Variants in MFSD2B observed in about 807,000 individuals in gnomAD.
MFSD2B encodes the protein sphingosine-1-phosphate transporter MFSD2B.
A neutral mutation model predicts 58.4 loss-of-function variants in MFSD2B; 56 were observed. That is an observed-to-expected ratio of 0.96 (90% CI 0.77 to 1.20). The LOEUF (loss-of-function observed/expected upper bound fraction) is 1.20, where lower values mean the gene tolerates loss of function less well. Among genes scored for constraint, MFSD2B ranks in the 50% most tolerant of loss-of-function variants. MFSD2B has a pLI of 0.00. For missense variants in MFSD2B, 645 were observed against 667.6 expected (o/e 0.97, Z 0.37); for synonymous variants, 287 against 294.4 (o/e 0.97, Z 0.26).
At position 24,021,889 on chromosome 2, in the gene MFSD2B, G is replaced by C. The variant is rs1484624801; in HGVS notation, c.813G>C (p.Leu271=). The C allele has an allele frequency of 6.2e-7, 1 of 1,614,004 alleles. No individual in the cohort carries two copies. The highest frequency in any genetic ancestry group is 1.1e-5 in the South Asian group (1 of 91,084). The change falls in exon 8 of 14, where the codon CTG becomes CTC. Residue 271 remains leucine (L), a synonymous_variant. Transcript: ENST00000338315. The surrounding 1 kb of genome is among the most constrained non-coding windows in gnomAD (Gnocchi z 5.7). ...CCTCAGGCCCAGGCTTGAGTTTCCT[G>C]GCTGGGCTGAGCCTCACTACCCGGC... is the stretch of plus-strand genomic sequence containing the variant. ...APASGPGLSF[L]AGLSLTTRHP...
chr2:24,011,545 G>A (rs892607589), intron 1 of MFSD2B, among the ~76,000 whole-genome samples: 1 of 152,192 alleles, frequency 6.6e-6, no homozygotes, highest in African/African-American at 2.4e-5. Context: ...GGGGTGTCCT[G>A]CAAGATGTGG....
Position 24,017,354 on chromosome 2 carries a change from C to T in MFSD2B, c.540C>T (p.Ala180=), listed in dbSNP as rs1319765205. Residue 180 remains alanine (A), a synonymous_variant, in exon 5 of 14, where the codon GCC becomes GCT. Coordinates refer to ENST00000338315, the MANE Select transcript of MFSD2B (RefSeq NM_001346880.2). This position sits in a 1 kb window ranked among gnomAD's most constrained non-coding sequence, Gnocchi z 4.8. ...LTPCPRERDS[A]TAYRMTVEMA... is the part of the protein sequence containing the mutation. ...CCTGCCCAAGGGAGCGGGACTCGGC[C>T]ACCGCCTACCGTGAGTGCAGCCGTG... is the stretch of plus-strand genomic sequence containing the variant. 6.2e-7 allele frequency: 1 copy of T among 1,604,646 alleles called. No individual in the cohort carries two copies. Among genetic ancestry groups the T allele is most frequent in the Admixed American group, 1.7e-5 (1 of 58,912 alleles).
Position 24,022,249 on chromosome 2 carries a change from G to A in MFSD2B, c.895-184G>A, listed in dbSNP as rs1163211082. 6.6e-6 allele frequency among the ~76,000 whole-genome samples: 1 copy of A among 152,158 alleles called. No individual in the cohort carries two copies. Among genetic ancestry groups the A allele is most frequent in the African/African-American group, 2.4e-5 (1 of 41,432 alleles). ...TCACAGCTGAGCAGGTGATGAGGGT[G>A]GCCTAGGAGTGGTGTTTGTATCTGT... is the stretch of plus-strand genomic sequence containing the variant. On this transcript the variant is annotated intron_variant, in intron 8 of 13. Transcript: ENST00000338315. The surrounding 1 kb of genome is among the most constrained non-coding windows in gnomAD (Gnocchi z 4.5).
chr2:24,015,891 C>T (rs1709125260), intron 2 of MFSD2B, among the ~76,000 whole-genome samples: 1 of 152,268 alleles, frequency 6.6e-6, no homozygotes, highest in Non-Finnish European at 1.5e-5. Flanking sequence ...TTGCTCTGAG[C>T]CAGCCCCAGA....
In MFSD2B at chr2:24,010,151, G is replaced by A. The variant is rs912472979; in HGVS notation, c.55G>A (p.Ala19Thr). The A allele has an allele frequency of 6.9e-7, 1 of 1,452,398 alleles. No homozygotes were observed. 90.0% of individuals were successfully genotyped at this position (1,452,398 alleles called of 1,614,324 possible). A position where few individuals can be genotyped will look rare whatever the true frequency, so the allele number is the denominator to read the frequency against. Residue 19 changes from alanine to threonine, a missense_variant, in exon 1 of 14, where the codon GCC becomes ACC. Ala to Thr is a moderately conservative substitution (Grantham distance 58). Coordinates refer to ENST00000338315, the MANE Select transcript of MFSD2B (RefSeq NM_001346880.2). ...AKGSPQPEPH[A>T]PEPGPGSAKR... ...GGGGTCCCCGCAGCCGGAGCCGCAC[G>A]CCCCAGAGCCCGGCCCGGGGAGCGC...
Position 24,023,181 on chromosome 2 carries a change from G to A in MFSD2B, c.1111G>A (p.Ala371Thr), listed in dbSNP as rs1480092188. ...LLAAVPTAPV[A>T]YVVAFVSGVS... The stretch of plus-strand genomic sequence containing the variant: ...GGCTGCTGTGCCCACAGCACCTGTG[G>A]CATATGTCGTGGCCTTTGTATCTGG... The change falls in exon 11 of 14, where the codon GCA (alanine) becomes ACA (threonine). Residue 371 changes from alanine (A) to threonine (T), a missense_variant. Transcript: ENST00000338315. This position sits in a 1 kb window ranked among gnomAD's most constrained non-coding sequence, Gnocchi z 5.0. 2 of 1,613,618 alleles carry A rather than the reference G, an allele frequency of 1.2e-6. No individual in the cohort carries two copies. The highest frequency in any genetic ancestry group is 1.7e-6 in the Non-Finnish European group (2 of 1,179,840).
At position 24,023,146 on chromosome 2, in the gene MFSD2B, C is replaced by T. The variant is rs200672434; in HGVS notation, c.1076C>T (p.Ala359Val). The change falls in exon 11 of 14, where the codon GCG becomes GTG. Residue 359 changes from alanine (A) to valine (V), a missense_variant. Physicochemically the swap from Ala to Val is moderately conservative, Grantham distance 64. Coordinates refer to ENST00000338315, the MANE Select transcript of MFSD2B (RefSeq NM_001346880.2). The surrounding 1 kb of genome is among the most constrained non-coding windows in gnomAD (Gnocchi z 5.0). ...AFGIFAMVPF[A>V]ILLAAVPTAP... ...TCTCCCCAGGCGATGGTGCCCTTTG[C>T]GATCTTGCTGGCTGCTGTGCCCACA... The T allele has an allele frequency of 5.9e-4, 946 of 1,612,612 alleles. 8 individuals carry two copies. In the Admixed American group the frequency reaches 0.015, roughly 25 times the overall value.
Position 24,022,062 on chromosome 2 carries a change from G to C in MFSD2B, c.894+92G>C, listed in dbSNP as rs1662811674. The C allele has an allele frequency of 6.8e-7, 1 of 1,462,264 alleles. No individual in the cohort carries two copies. Among genetic ancestry groups the C allele is most frequent in the Non-Finnish European group, 9.5e-7 (1 of 1,057,748 alleles). 90.6% of individuals were successfully genotyped at this position (1,462,264 alleles called of 1,614,324 possible). Reference sequence around the variant, plus strand: ...TGCAGTCTTGGCTTGAGTTTTATAGGGAGAAACCTGCGGCTGGCACATGGC... The same window carrying C: ...TGCAGTCTTGGCTTGAGTTTTATAGCGAGAAACCTGCGGCTGGCACATGGC... On this transcript the variant is annotated intron_variant, in intron 8 of 13. Transcript: ENST00000338315. This position sits in a 1 kb window ranked among gnomAD's most constrained non-coding sequence, Gnocchi z 4.5.
Position 24,023,190 on chromosome 2 carries a change from G to T in MFSD2B, c.1120G>T (p.Val374Leu). ...GCCCACAGCACCTGTGGCATATGTC[G>T]TGGCCTTTGTATCTGGCGTGAGCAT... Reference protein sequence around the residue: ...AVPTAPVAYVVAFVSGVSIAV... With the variant: ...AVPTAPVAYVLAFVSGVSIAV... The change falls in exon 11 of 14, where the codon GTG (valine) becomes TTG (leucine). Residue 374 changes from valine (V) to leucine (L), a missense_variant. Physicochemically the swap from Val to Leu is conservative, Grantham distance 32 (BLOSUM62 1). Coordinates refer to ENST00000338315, the MANE Select transcript of MFSD2B (RefSeq NM_001346880.2). This position sits in a 1 kb window ranked among gnomAD's most constrained non-coding sequence, Gnocchi z 5.0. 6.2e-7 allele frequency: 1 copy of T among 1,613,612 alleles called. No individual in the cohort carries two copies. Among genetic ancestry groups the T allele is most frequent in the Non-Finnish European group, 8.5e-7 (1 of 1,179,822 alleles).
chr2:24,025,307 A>AG, intron 13 of MFSD2B, 125 bp from the exon 14 acceptor site: 2 of 782,206 alleles, frequency 2.6e-6, no homozygotes, highest in South Asian at 3.0e-5. Flanking sequence ...TTGGGAGGGG[A>AG]GGAGTTGAAG....
Position 24,026,449 on chromosome 2 carries a change from TG to T in MFSD2B, c.*998del. ...TGCTAATGATGTGACTGGCAGAGGATGGGGGCTGGTTGCCAGAGAAACCAAC... is the reference window on the plus strand; with the variant it reads ...TGCTAATGATGTGACTGGCAGAGGATGGGGCTGGTTGCCAGAGAAACCAAC... On this transcript the variant is annotated 3_prime_UTR_variant, in exon 14 of 14. Transcript: ENST00000338315. 1 of 152,302 alleles carries T rather than the reference TG, an allele frequency of 6.6e-6. No individual in the cohort carries two copies. 9.4% of individuals were successfully genotyped at this position (152,302 alleles called of 1,614,324 possible).
In MFSD2B at chr2:24,017,868, G is replaced by A. The variant is rs1393979636; in HGVS notation, c.681+280G>A. ...AGGAGGCCAGCCCCAGAGGAGGGGC[G>A]AGGGTGGGGAAAGCCGCAGGACAGG... On this transcript the variant is annotated intron_variant, in intron 6 of 13. Transcript: ENST00000338315. This position sits in a 1 kb window ranked among gnomAD's most constrained non-coding sequence, Gnocchi z 4.8. 1.3e-5 allele frequency among the ~76,000 whole-genome samples: 2 copies of A among 152,172 alleles called. No homozygotes were observed. The highest frequency in any genetic ancestry group is 2.4e-5 in the African/African-American group (1 of 41,450).
At position 24,017,512 on chromosome 2, in the gene MFSD2B, T is replaced by G. The variant is rs1177545400; in HGVS notation, c.605T>G (p.Ile202Ser). The change falls in exon 6 of 14, where the codon ATC (isoleucine) becomes AGC (serine). Residue 202 changes from isoleucine (I) to serine (S), a missense_variant. Physicochemically the swap from Ile to Ser is moderately radical, Grantham distance 142. Transcript: ENST00000338315. This position sits in a 1 kb window ranked among gnomAD's most constrained non-coding sequence, Gnocchi z 4.8. ...ATGGGGGCCACTGTCCACGGGCTCA[T>G]CGTGTCCGGCGCCCACAGACCCCAC... ...TLMGATVHGL[I>S]VSGAHRPHRC... is the part of the protein sequence containing the mutation. 6.3e-7 allele frequency: 1 copy of G among 1,590,306 alleles called. No homozygotes were observed. Among genetic ancestry groups the G allele is most frequent in the Admixed American group, 1.8e-5 (1 of 56,682 alleles).
Position 24,017,365 on chromosome 2 carries a change from G to C in MFSD2B, c.550+1G>C. 3 of 1,603,708 alleles carry C rather than the reference G, an allele frequency of 1.9e-6. No individual in the cohort carries two copies. Among genetic ancestry groups the C allele is most frequent in the Non-Finnish European group, 2.6e-6 (3 of 1,175,872 alleles). ...GAGCGGGACTCGGCCACCGCCTACC[G>C]TGAGTGCAGCCGTGGGTTTCGGGTT... On this transcript the variant is annotated splice_donor_variant, in intron 5 of 13. Transcript: ENST00000338315. LOFTEE classifies it high-confidence loss of function. This position sits in a 1 kb window ranked among gnomAD's most constrained non-coding sequence, Gnocchi z 4.8.
At chr2:24,025,176 C>A (rs1039167940) in intron 13 of MFSD2B, among the ~76,000 whole-genome samples, 1 of 152,218 alleles carries the variant, frequency 6.6e-6, no homozygotes, top group African/African-American at 2.4e-5. Flanking sequence ...CTGAGGGTGA[C>A]GGCCTCGGGC....
rs1708971382 is a variant in MFSD2B at position 24,012,050 on chromosome 2, G to A, written c.97-1235G>A. Among the ~76,000 whole-genome samples the A allele has an allele frequency of 6.6e-6, 1 of 151,996 alleles. No individual in the cohort carries two copies. Among genetic ancestry groups the A allele is most frequent in the African/African-American group, 2.4e-5 (1 of 41,382 alleles). On this transcript the variant is annotated intron_variant, in intron 1 of 13. Coordinates refer to ENST00000338315, the MANE Select transcript of MFSD2B (RefSeq NM_001346880.2). The surrounding 1 kb of genome is among the most constrained non-coding windows in gnomAD (Gnocchi z 4.5). ...AGGTGAGGTGGGTAGGGGGCCGACT[G>A]GGTGGACTCCTTAGCCATGATCAGG...
At position 24,017,292 on chromosome 2, in the gene MFSD2B, C is replaced by T. The variant is rs1473407908; in HGVS notation, c.478C>T (p.Gln160Ter). Residue 160 changes from glutamine (Q) to a stop codon, truncating the protein, a stop_gained, in exon 5 of 14, where the codon CAG becomes TAG. Transcript: ENST00000338315. LOFTEE classifies it high-confidence loss of function. The surrounding 1 kb of genome is among the most constrained non-coding windows in gnomAD (Gnocchi z 4.8). The stretch of plus-strand genomic sequence containing the variant: ...AGCTCTGCCGACGCCCCAGTTCTTC[C>T]AGGTGCCCTACACAGCGCTCACCAT... ...CLFQALATFF[Q>*]VPYTALTMLL... 2 of 1,600,390 alleles carry T rather than the reference C, an allele frequency of 1.2e-6. No homozygotes were observed. The highest frequency in any genetic ancestry group is 1.7e-6 in the Non-Finnish European group (2 of 1,174,198).
chr2:24,012,167 C>A lies in MFSD2B; in HGVS notation c.97-1118C>A, dbSNP rs1215076827. Among the ~76,000 whole-genome samples, 100 of 63,976 alleles carry A rather than the reference C, an allele frequency of 1.6e-3. 2 individuals are homozygous for A. The highest frequency in any genetic ancestry group is 4.2e-3 in the African/African-American group (95 of 22,822). 42.0% of individuals were successfully genotyped at this position (63,976 alleles called of 152,430 possible). ...AACAAACAAAACACACACACACACA[C>A]ACACACACACACAAAAACAGACAAA... is the stretch of plus-strand genomic sequence containing the variant. On this transcript the variant is annotated intron_variant, in intron 1 of 13. Transcript: ENST00000338315. The surrounding 1 kb of genome is among the most constrained non-coding windows in gnomAD (Gnocchi z 4.5).
chr2:24,017,669 C>A lies in MFSD2B; in HGVS notation c.681+81C>A. Reference sequence around the variant, plus strand: ...CTCCTTCCTCTAGGGCTGGTTCTCCCGTCCACACCACTTTGTTGTCTTTTA... The same window carrying A: ...CTCCTTCCTCTAGGGCTGGTTCTCCAGTCCACACCACTTTGTTGTCTTTTA... On this transcript the variant is annotated intron_variant, in intron 6 of 13. Transcript: ENST00000338315. The surrounding 1 kb of genome is among the most constrained non-coding windows in gnomAD (Gnocchi z 4.8). 7.1e-7 allele frequency: 1 copy of A among 1,404,156 alleles called. No individual in the cohort carries two copies. The highest frequency in any genetic ancestry group is 1.4e-5 in the South Asian group (1 of 70,090). 87.0% of individuals were successfully genotyped at this position (1,404,156 alleles called of 1,614,324 possible).
Sources: gnomAD v4.1 joint callset for allele counts (sites outside exome capture counted in the v4.1 genomes callset) on GRCh38, gnomAD v4.1.1 for gene constraint, Gnocchi (gnomAD v3.1) non-coding constraint, MANE v1.5 for transcripts, NCBI Gene and HGNC (gene_info 2026-07-23, HGNC 2026-07-21) for gene names.